Variants in FLT1 observed in about 807,000 individuals in gnomAD.
The protein encoded by FLT1 is fms related receptor tyrosine kinase 1.
FLT1 carries 49 observed loss-of-function variants against 156.3 expected under a neutral mutation model. The ratio of observed to expected loss-of-function variants is 0.31; its 90% CI spans 0.25 to 0.40. The LOEUF (loss-of-function observed/expected upper bound fraction) is 0.40, where lower values mean the gene tolerates loss of function less well. Ranked by LOEUF, FLT1 falls within the 10% of genes least tolerant of loss-of-function variation. The probability of loss-of-function intolerance (pLI) is 1.00; values close to 1 mark genes in which losing one functional copy is unlikely to be tolerated. For synonymous variants in FLT1, 594 were observed against 583.8 expected (o/e 1.02, Z -0.25); for missense variants, 1,322 against 1,637.2 (o/e 0.81, Z 3.32).
Position 28,324,003 on chromosome 13 carries a change from G to A in FLT1, c.2797-1057C>T, listed in dbSNP as rs1323593279. Among the ~76,000 whole-genome samples the A allele has an allele frequency of 2.0e-5, 3 of 152,210 alleles. No individual in the cohort carries two copies. The East Asian group carries it at 5.8e-4, about 29-fold the overall frequency. On this transcript the variant is annotated intron_variant, in intron 20 of 29. Transcript: ENST00000282397. The stretch of plus-strand genomic sequence containing the variant: ...CATTTGGCTCTTCCATTAATCATGC[G>A]ATCTTGGGCAAGTCACCTTACTTTT...
intron 14 of FLT1, among the ~76,000 whole-genome samples, chr13:28,384,171 C>A (rs1294117762): frequency 6.6e-6 from 1 of 152,110 alleles, no homozygotes; most frequent in Non-Finnish European, 1.5e-5. Flanking sequence ...CAGTGGCATG[C>A]GCCTATAATC....
intron 20 of FLT1, among the ~76,000 whole-genome samples, chr13:28,326,237 T>G (rs1871673608): frequency 6.6e-6 from 1 of 152,196 alleles, no homozygotes; most frequent in Non-Finnish European, 1.5e-5. Flanking sequence ...CTTCATTTAA[T>G]AAACGAGGGA....
At chr13:28,373,323 G>C (rs1565991207) in intron 14 of FLT1, among the ~76,000 whole-genome samples, 1 of 152,154 alleles carries the variant, frequency 6.6e-6, no homozygotes, top group East Asian at 1.9e-4. Context: ...GGTAGCAGGA[G>C]ATTATATAAA....
At chr13:28,349,425 T>TACACACACACACACAC (rs34182100) in intron 15 of FLT1, among the ~76,000 whole-genome samples, 1 of 146,926 alleles carries the variant, frequency 6.8e-6, no homozygotes, top group African/African-American at 2.5e-5. Context: ...GGCCTTGCTG[T>TACACACACACACACAC]ACACACACAC....
chr13:28,346,545 T>C (rs1421205946), intron 15 of FLT1, among the ~76,000 whole-genome samples: 1 of 102,420 alleles, frequency 9.8e-6, no homozygotes, highest in Non-Finnish European at 2.2e-5. Flanking sequence ...CATAGCAAGA[T>C]GCCTTCTCTT....
At chr13:28,371,173 C>T (rs1873546826) in intron 14 of FLT1, among the ~76,000 whole-genome samples, 1 of 152,076 alleles carries the variant, frequency 6.6e-6, no homozygotes, top group African/African-American at 2.4e-5. Flanking sequence ...TGCTGGGTTT[C>T]CCATATAAGC....
intron 13 of FLT1, chr13:28,386,113 G>A (rs934196589): frequency 7.6e-6 from 8 of 1,052,854 alleles, no homozygotes; most frequent in Admixed American, 1.1e-4. Context: ...GCCCATTTTC[G>A]ATTTCCTCAT....
intron 3 of FLT1, among the ~76,000 whole-genome samples, chr13:28,444,229 G>A (rs1456349975): frequency 6.6e-6 from 1 of 152,120 alleles, no homozygotes; most frequent in Non-Finnish European, 1.5e-5. Flanking sequence ...ATCACTTGAG[G>A]TCAGGAATTC....
chr13:28,344,902 A>C (rs549532593), intron 16 of FLT1, among the ~76,000 whole-genome samples: 1 of 148,166 alleles, frequency 6.7e-6, no homozygotes, highest in South Asian at 2.1e-4. Flanking sequence ...CCCAGGCTAA[A>C]GTGATTTTCC....
At chr13:28,417,628 C>A in intron 10 of FLT1, among the ~76,000 whole-genome samples, 1 of 151,704 alleles carries the variant, frequency 6.6e-6, no homozygotes, top group Admixed American at 6.6e-5. Flanking sequence ...ACCTATAAAA[C>A]AATCTCTTTT....
rs1351287627 is a variant in FLT1, at chr13:28,345,659, C to T, written c.2249-108G>A. On this transcript the variant is annotated intron_variant, in intron 15 of 29. Transcript: ENST00000282397. ...AGTTTCCCTAAATGGTTTATCATAG[C>T]GAACCCAATCTGCTGCCACAAAATC... 2.3e-5 allele frequency: 17 copies of T among 737,748 alleles called. No individual in the cohort carries two copies. The East Asian group carries it at 2.4e-4, about 11-fold the overall frequency. 45.7% of individuals were successfully genotyped at this position (737,748 alleles called of 1,614,324 possible). A position where few individuals can be genotyped will look rare whatever the true frequency, so the allele number is the denominator to read the frequency against.
chr13:28,319,315 T>C, intron 24 of FLT1, 108 bp downstream of exon 24: 2 of 749,172 alleles, frequency 2.7e-6, no homozygotes, highest in South Asian at 3.0e-5. Context: ...TAAGAGTTTT[T>C]TGTTACAGTA....
At chr13:28,388,558 A>G in intron 13 of FLT1, 1 of 1,050,702 alleles carries the variant, frequency 9.5e-7, no homozygotes, top group Non-Finnish European at 1.1e-6. Flanking sequence ...ATTTTCCCTC[A>G]AACGCAAGCT....
Position 28,447,427 on chromosome 13 carries a change from T to C in FLT1, c.389-9082A>G, listed in dbSNP as rs368000649. On this transcript the variant is annotated intron_variant, in intron 3 of 29. Transcript: ENST00000282397. ...GTCTCAAACTCCTGGGCTCAAGCAG[T>C]CCTCCTGCCCCGGTCTCCCAAAGTG... is the stretch of plus-strand genomic sequence containing the variant. Among the ~76,000 whole-genome samples, 6 of 152,004 alleles carry C rather than the reference T, an allele frequency of 3.9e-5. No homozygotes were observed. In the South Asian group the frequency reaches 1.2e-3, roughly 32 times the overall value.
chr13:28,362,599 G>C (rs972271274), intron 14 of FLT1, among the ~76,000 whole-genome samples: 1 of 152,022 alleles, frequency 6.6e-6, no homozygotes, highest in African/African-American at 2.4e-5. Context: ...TGGGCAGATC[G>C]CTTGAGCCTA....
intron 19 of FLT1, 42 bp downstream of exon 19, chr13:28,329,573 T>C (rs1382070543): frequency 7.3e-7 from 1 of 1,370,016 alleles, no homozygotes; most frequent in Non-Finnish European, 1.0e-6. Flanking sequence ...TCTCCCAGCC[T>C]GTGCAGGGGG....
chr13:28,457,599 A>C (rs974070345), intron 3 of FLT1, among the ~76,000 whole-genome samples: 4 of 152,252 alleles, frequency 2.6e-5, no homozygotes, highest in African/African-American at 7.2e-5. Flanking sequence ...AAAACTGTAG[A>C]ATATTAGAAC....
chr13:28,303,472 C>A, intron 29 of FLT1, 104 bp from the exon 30 acceptor site: 6 of 922,468 alleles, frequency 6.5e-6, no homozygotes, highest in Non-Finnish European at 9.9e-6. Flanking sequence ...TCATACCTGT[C>A]TAGAGTTCAT....
chr13:28,353,679 G>T (rs956970160), intron 15 of FLT1, among the ~76,000 whole-genome samples: 18 of 152,026 alleles, frequency 1.2e-4, no homozygotes, highest in Admixed American at 8.5e-4. Flanking sequence ...GCCCCATTGA[G>T]TTCCAGGGCT....
Sources: allele counts gnomAD v4.1 joint callset (sites outside exome capture counted in the v4.1 genomes callset), GRCh38; gene constraint gnomAD v4.1.1; transcripts MANE v1.5; gene names NCBI Gene and HGNC (gene_info 2026-07-23, HGNC 2026-07-21).